CTNND2: variants seen among roughly 807,000 people sequenced by gnomAD.
The protein encoded by CTNND2 is catenin delta 2, also known as catenin delta-2.
CTNND2 carries 22 observed loss-of-function variants against 144.4 expected under a neutral mutation model. The observed-to-expected ratio is 0.15, with a 90% CI of 0.11 to 0.22. The LOEUF (loss-of-function observed/expected upper bound fraction) is 0.22. CTNND2 is among the 10% of genes least tolerant of loss of function. The pLI, the probability that CTNND2 is intolerant of heterozygous loss-of-function variation, is 1.00. For missense variants in CTNND2, 1,353 were observed against 1,618.8 expected (o/e 0.84, Z 2.82); for synonymous variants, 751 against 695.6 (o/e 1.08, Z -1.25).
intron 2 of CTNND2, among the ~76,000 whole-genome samples, chr5:11,637,911 A>G (rs1480902539): frequency 6.6e-6 from 1 of 152,186 alleles, no homozygotes; most frequent in Non-Finnish European, 1.5e-5. Context: ...TACTAATTGA[A>G]TATAGGATAA....
chr5:11,652,324 A>G (rs1454121981), intron 2 of CTNND2, among the ~76,000 whole-genome samples: 1 of 152,140 alleles, frequency 6.6e-6, no homozygotes, highest in African/African-American at 2.4e-5. Flanking sequence ...TATAAGTTTC[A>G]TGAGGCCTCC....
At chr5:11,541,676 A>G (rs1038854711) in intron 3 of CTNND2, among the ~76,000 whole-genome samples, 1 of 152,204 alleles carries the variant, frequency 6.6e-6, no homozygotes, top group Non-Finnish European at 1.5e-5. Flanking sequence ...GAACATTTAG[A>G]TAAGACATCT....
At chr5:11,522,575 T>C (rs1339417944) in intron 3 of CTNND2, among the ~76,000 whole-genome samples, 1 of 152,226 alleles carries the variant, frequency 6.6e-6, no homozygotes, top group African/African-American at 2.4e-5. Context: ...CTCACAATGA[T>C]GATTTGCTAT....
At chr5:11,429,166 C>A (rs1763047339) in intron 3 of CTNND2, among the ~76,000 whole-genome samples, 1 of 152,152 alleles carries the variant, frequency 6.6e-6, no homozygotes. Context: ...CATGTGACAG[C>A]ACTTCAGAGT....
At chr5:11,161,086 G>A (rs949092799) in intron 11 of CTNND2, among the ~76,000 whole-genome samples, 1 of 152,198 alleles carries the variant, frequency 6.6e-6, no homozygotes, top group African/African-American at 2.4e-5. Context: ...TAATCCTTCA[G>A]TACAGGGGGT....
At chr5:11,322,374 T>C (rs773677131) in intron 9 of CTNND2, among the ~76,000 whole-genome samples, 20 of 152,324 alleles carry the variant, frequency 1.3e-4, no homozygotes, top group Non-Finnish European at 2.4e-4. Flanking sequence ...GTTACCACAG[T>C]GCTTGCCACA....
intron 13 of CTNND2, among the ~76,000 whole-genome samples, chr5:11,113,516 A>T (rs1181488852): frequency 6.6e-6 from 1 of 152,220 alleles, no homozygotes; most frequent in Non-Finnish European, 1.5e-5. Flanking sequence ...TTTGCTGGTT[A>T]AGACAAAGCT....
At chr5:11,117,358 A>T in intron 13 of CTNND2, 92 bp downstream of exon 13, 1 of 927,924 alleles carries the variant, frequency 1.1e-6, no homozygotes, top group Non-Finnish European at 1.8e-6. Context: ...AGTCTGAAAT[A>T]CTGCATTGGC....
In CTNND2 at chr5:11,529,107, G is replaced by A. The variant is rs141502122; in HGVS notation, c.287+35837C>T. On this transcript the variant is annotated intron_variant, in intron 3 of 21. Coordinates refer to ENST00000304623, the MANE Select transcript of CTNND2 (RefSeq NM_001332.4). ...CAGGGACACAAGGCCATATTTTTCC[G>A]TCATTGGCTGTGAAGATCTAGGAAA... Among the ~76,000 whole-genome samples, 1,164 of 152,288 alleles carry A rather than the reference G, an allele frequency of 7.6e-3. 12 individuals are homozygous for A. Among genetic ancestry groups the A allele is most frequent in the African/African-American group, 0.027 (1,118 of 41,568 alleles).
chr5:11,029,803 G>C (rs945891397), intron 16 of CTNND2, among the ~76,000 whole-genome samples: 5 of 152,240 alleles, frequency 3.3e-5, no homozygotes, highest in African/African-American at 9.6e-5. Flanking sequence ...ATAAACCATT[G>C]TTAAAACAAT....
rs567662147 is a variant in CTNND2, at chr5:11,467,768, A to T, written c.288-55699T>A. On this transcript the variant is annotated intron_variant, in intron 3 of 21. Coordinates refer to ENST00000304623, the MANE Select transcript of CTNND2 (RefSeq NM_001332.4). ...GGAAGTCCAAAAATGAATCCTAACC[A>T]CTTAGCTGTGTTGTGCAACCAACAT... 3.3e-5 allele frequency among the ~76,000 whole-genome samples: 5 copies of T among 152,276 alleles called. No individual in the cohort carries two copies. In the South Asian group the frequency reaches 1.0e-3, roughly 32 times the overall value.
At chr5:11,049,864 C>T (rs902562792) in intron 16 of CTNND2, among the ~76,000 whole-genome samples, 7 of 152,148 alleles carry the variant, frequency 4.6e-5, no homozygotes, top group African/African-American at 1.7e-4. Flanking sequence ...CTTTGTAAGC[C>T]ACAAGCAATT....
At chr5:11,517,703 T>C (rs759682114) in intron 3 of CTNND2, among the ~76,000 whole-genome samples, 14 of 152,032 alleles carry the variant, frequency 9.2e-5, no homozygotes, top group East Asian at 3.9e-4. Flanking sequence ...GATGGGTTCA[T>C]AGGTGCAGCA....
At chr5:11,754,645 G>C (rs1272596787) in intron 1 of CTNND2, among the ~76,000 whole-genome samples, 1 of 151,684 alleles carries the variant, frequency 6.6e-6, no homozygotes, top group East Asian at 1.9e-4. Flanking sequence ...CTCCTGTCTT[G>C]GGTGCATATA....
chr5:11,679,650 G>A (rs150711488), intron 2 of CTNND2, among the ~76,000 whole-genome samples: 272 of 152,260 alleles, frequency 1.8e-3, no homozygotes, highest in Middle Eastern at 6.8e-3. Context: ...TGTCTTTCCC[G>A]ACACTCATGT....
chr5:11,856,004 T>C (rs1461336059), intron 1 of CTNND2, among the ~76,000 whole-genome samples: 2 of 152,230 alleles, frequency 1.3e-5, no homozygotes, highest in Non-Finnish European at 2.9e-5. Flanking sequence ...AAGCACTGAA[T>C]GAATACTATG....
intron 1 of CTNND2, among the ~76,000 whole-genome samples, chr5:11,802,570 A>T (rs1038795244): frequency 6.6e-6 from 1 of 151,956 alleles, no homozygotes; most frequent in Non-Finnish European, 1.5e-5. Context: ...TCCATCTCAA[A>T]AAAAAAAAAA....
At chr5:11,870,348 C>A (rs1452652078) in intron 1 of CTNND2, among the ~76,000 whole-genome samples, 1 of 152,138 alleles carries the variant, frequency 6.6e-6, no homozygotes, top group Non-Finnish European at 1.5e-5. Context: ...TTATCCAGTC[C>A]ATAATGCCAA....
intron 16 of CTNND2, among the ~76,000 whole-genome samples, chr5:11,030,512 C>G (rs940753787): frequency 1.3e-5 from 2 of 152,034 alleles, no homozygotes; most frequent in African/African-American, 4.8e-5. Context: ...TCTGCCTGCT[C>G]AAATCTGCCT....
Sources: gnomAD v4.1 joint callset for allele counts (sites outside exome capture counted in the v4.1 genomes callset) on GRCh38, gnomAD v4.1.1 for gene constraint, MANE v1.5 for transcripts, NCBI Gene and HGNC (gene_info 2026-07-23, HGNC 2026-07-21) for gene names.